SLC7A1: variants seen among roughly 807,000 people sequenced by gnomAD.
The protein encoded by SLC7A1 is solute carrier family 7 member 1.
Under a neutral mutation model 53.9 loss-of-function variants are expected in SLC7A1, and 10 were observed. The observed-to-expected ratio is 0.19, with a 90% CI of 0.11 to 0.31. The LOEUF is 0.31. Among genes scored for constraint, SLC7A1 ranks in the 10% least tolerant of loss-of-function variants. The probability of loss-of-function intolerance (pLI) is 1.00; values close to 1 mark genes in which losing one functional copy is unlikely to be tolerated. For synonymous variants in SLC7A1, 342 were observed against 338.7 expected, an observed-to-expected ratio of 1.01 and a Z score of -0.11; for missense variants, 525 against 827.2, an observed-to-expected ratio of 0.63 and a Z score of 4.48.
rs150305424 is a variant in SLC7A1, at chr13:29,571,990, G to A, written c.-114-18130C>T. ...TCCACTCTTCTTTGTTGACCTTTGC[G>A]TGTACAGTGTTGCTTCAAAAACCTT... On this transcript the variant is annotated intron_variant, in intron 1 of 12. Transcript: ENST00000380752. 1.1e-3 allele frequency among the ~76,000 whole-genome samples: 161 copies of A among 152,226 alleles called. No homozygotes were observed. In the Middle Eastern group the frequency reaches 0.014, roughly 13 times the overall value.
chr13:29,588,031 C>A (rs926311409), intron 1 of SLC7A1, among the ~76,000 whole-genome samples: 3 of 152,196 alleles, frequency 2.0e-5, no homozygotes, highest in Admixed American at 2.0e-4. Context: ...TCTGTAGTTT[C>A]CAAATTTTCC....
At chr13:29,520,943 A>G (rs929401128) in intron 8 of SLC7A1, among the ~76,000 whole-genome samples, 2 of 152,348 alleles carry the variant, frequency 1.3e-5, no homozygotes, top group East Asian at 1.9e-4. Context: ...AAAAGGGTAA[A>G]TCCTGGATTT....
intron 1 of SLC7A1, among the ~76,000 whole-genome samples, chr13:29,576,292 T>TAAAAAAAAAAAAAAAAAA (rs146432104): frequency 0.014 from 1,452 of 106,112 alleles, 46 homozygotes; most frequent in South Asian, 0.019. Context: ...ATCCTGTTTT[T>TAAAAAAAAAAAAAAAAAA]TAAAAAAAAA....
chr13:29,529,234 T>A (rs1304569500), intron 5 of SLC7A1, among the ~76,000 whole-genome samples: 1 of 152,212 alleles, frequency 6.6e-6, no homozygotes, highest in Non-Finnish European at 1.5e-5. Flanking sequence ...TTAGTGAAGT[T>A]TCGTGCACCG....
At chr13:29,516,693 A>G (rs1313372749) in intron 11 of SLC7A1, among the ~76,000 whole-genome samples, 1 of 152,080 alleles carries the variant, frequency 6.6e-6, no homozygotes, top group Admixed American at 6.5e-5. Flanking sequence ...GCATCCCACC[A>G]CCCCGGAGGG....
intron 1 of SLC7A1, among the ~76,000 whole-genome samples, chr13:29,554,906 T>C (rs1870361971): frequency 6.6e-6 from 1 of 152,180 alleles, no homozygotes; most frequent in South Asian, 2.1e-4. Flanking sequence ...GTTGAATGAA[T>C]ACTTACTCTT....
chr13:29,592,487 G>A (rs908006810), intron 1 of SLC7A1, among the ~76,000 whole-genome samples: 6 of 152,182 alleles, frequency 3.9e-5, no homozygotes, highest in Admixed American at 2.0e-4. Context: ...AAGGAACACG[G>A]CTAGCAAGCC....
Position 29,522,420 on chromosome 13 carries a change from G to C in SLC7A1, c.1086C>G (p.Ile362Met). The C allele has an allele frequency of 6.2e-7, 1 of 1,614,170 alleles. No individual in the cohort carries two copies. Residue 362 changes from isoleucine (I) to methionine (M), a missense_variant, in exon 8 of 13, where the codon ATC (isoleucine) becomes ATG (methionine). This residue lies in a region of SLC7A1 where 354 missense variants were observed against 587.5 expected (regional missense o/e 0.60). Transcript: ENST00000380752. Reference sequence around the variant, plus strand: ...GCAGTCCATCCTCAGCCATGGCATAGATAACCCGAGGCATGGGAAACATGG... The same window carrying C: ...GCAGTCCATCCTCAGCCATGGCATACATAACCCGAGGCATGGGAAACATGG... ...LGSMFPMPRV[I>M]YAMAEDGLLF...
At chr13:29,577,750 G>A (rs1465492144) in intron 1 of SLC7A1, among the ~76,000 whole-genome samples, 11 of 152,150 alleles carry the variant, frequency 7.2e-5, no homozygotes, top group East Asian at 1.9e-4. Context: ...AACCTTAGTC[G>A]TCTCTGGCCG....
At position 29,517,654 on chromosome 13, in the gene SLC7A1, A is replaced by G; in HGVS notation, c.1429T>C (p.Leu477=). Residue 477 remains leucine (L), a synonymous_variant, in exon 10 of 13, where the codon TTG becomes CTG. Transcript: ENST00000380752. ...GFLPEAEMFS[L]KTILSPKNME... ...TTTTTGGGTGAGAGTATGGTTTTCAAAGAGAACATCTCTGCCTCTGGTAAA... is the reference window on the plus strand; with the variant it reads ...TTTTTGGGTGAGAGTATGGTTTTCAGAGAGAACATCTCTGCCTCTGGTAAA... 6.2e-7 allele frequency: 1 copy of G among 1,614,202 alleles called. No homozygotes were observed. The highest frequency in any genetic ancestry group is 8.5e-7 in the Non-Finnish European group (1 of 1,180,004).
chr13:29,541,219 A>G (rs961080104), intron 2 of SLC7A1, among the ~76,000 whole-genome samples: 4 of 152,196 alleles, frequency 2.6e-5, no homozygotes, highest in Non-Finnish European at 4.4e-5. Flanking sequence ...AACAAGTCAG[A>G]TCAGATGGGA....
rs1282189707 is a variant in SLC7A1, at chr13:29,512,616, C to T, written c.*1864G>A. 1.3e-5 allele frequency: 2 copies of T among 152,110 alleles called. No homozygotes were observed. Among genetic ancestry groups the T allele is most frequent in the Non-Finnish European group, 2.9e-5 (2 of 68,022 alleles). 9.4% of individuals were successfully genotyped at this position (152,110 alleles called of 1,614,324 possible). ...GTCCTAAGACAAGAGACAACCAAAA[C>T]CCCAACAAAATAAGTTAGTATTTAT... On this transcript the variant is annotated 3_prime_UTR_variant, in exon 13 of 13. Transcript: ENST00000380752.
intron 1 of SLC7A1, among the ~76,000 whole-genome samples, chr13:29,564,481 T>C (rs1053491208): frequency 6.6e-6 from 1 of 152,228 alleles, no homozygotes; most frequent in Admixed American, 6.5e-5. Flanking sequence ...CAAACCTCAG[T>C]GTGTGCGTCT....
At position 29,583,994 on chromosome 13, in the gene SLC7A1, C is replaced by T. The variant is rs552580353; in HGVS notation, c.-115+11422G>A. Among the ~76,000 whole-genome samples the T allele has an allele frequency of 1.0e-3, 152 of 152,306 alleles. 1 individual carries two copies. In the South Asian group the frequency reaches 0.029, roughly 29 times the overall value. On this transcript the variant is annotated intron_variant, in intron 1 of 12. Transcript: ENST00000380752. ...ATAGATTTGTGGGGGAAGTGTGGTA[C>T]ACTTGCAATAACAGAGTCATCATTT...
chr13:29,516,966 T>A, intron 11 of SLC7A1, 178 bp downstream of exon 11: 1 of 526,912 alleles, frequency 1.9e-6, no homozygotes, highest in Non-Finnish European at 3.2e-6. Context: ...TGCTGCCTCC[T>A]TCCAGGGTCT....
chr13:29,583,534 C>T (rs1324735002), intron 1 of SLC7A1, among the ~76,000 whole-genome samples: 2 of 152,200 alleles, frequency 1.3e-5, no homozygotes, highest in African/African-American at 4.8e-5. Context: ...TCAGCAAGAC[C>T]TCCCTTGCAG....
chr13:29,583,477 T>C (rs1465728099), intron 1 of SLC7A1, among the ~76,000 whole-genome samples: 1 of 152,160 alleles, frequency 6.6e-6, no homozygotes, highest in Non-Finnish European at 1.5e-5. Flanking sequence ...CAGCAGCTCT[T>C]AGTAGACTTC....
chr13:29,576,359 C>A (rs1871414980), intron 1 of SLC7A1, among the ~76,000 whole-genome samples: 2 of 148,740 alleles, frequency 1.3e-5, no homozygotes, highest in South Asian at 4.3e-4. Flanking sequence ...AAGAACCACA[C>A]AAACTATATT....
chr13:29,536,961 G>A (rs1869448961), intron 2 of SLC7A1, among the ~76,000 whole-genome samples: 1 of 152,224 alleles, frequency 6.6e-6, no homozygotes, highest in South Asian at 2.1e-4. Context: ...CCCTCACATG[G>A]GACATGCCCC....
Sources: allele counts gnomAD v4.1 joint callset (sites outside exome capture counted in the v4.1 genomes callset), GRCh38; gene constraint gnomAD v4.1.1; regional missense constraint gnomAD v4.1.1; transcripts MANE v1.5; gene names NCBI Gene and HGNC (gene_info 2026-07-23, HGNC 2026-07-21).